The following VCP variants were observed in gnomAD, a reference collection of about 807,000 sequenced individuals.
The protein encoded by VCP is transitional endoplasmic reticulum ATPase.
In VCP, 6 loss-of-function variants were observed where a neutral mutation model predicts 85.7. That is an observed-to-expected ratio of 0.07 (90% confidence interval 0.04 to 0.14). VCP has a LOEUF of 0.14. VCP is among the 10% of genes least tolerant of loss of function. The pLI, the probability that VCP is intolerant of heterozygous loss-of-function variation, is 1.00. For synonymous variants in VCP, 384 were observed against 367.1 expected (o/e 1.05, Z -0.53); for missense variants, 353 against 1,043.4 (o/e 0.34, Z 9.12).
At chr9:35,061,838 C>T in intron 9 of VCP, 149 bp from the exon 10 acceptor site, 3 of 1,451,788 alleles carry the variant, frequency 2.1e-6, no homozygotes, top group Non-Finnish European at 2.9e-6. Flanking sequence ...CTTTCAGTCT[C>T]AGGAAAACCA....
At position 35,072,178 on chromosome 9, in the gene VCP, G is replaced by T. The variant is rs894947748; in HGVS notation, c.17+159C>A. Reference sequence around the variant, plus strand: ...TGCGCAGCTGGCCCCAGCCGGGCCTGCCGGGTCCACGGCCCCTCACTCGCC... The same window carrying T: ...TGCGCAGCTGGCCCCAGCCGGGCCTTCCGGGTCCACGGCCCCTCACTCGCC... On this transcript the variant is annotated intron_variant, in intron 1 of 16. Transcript: ENST00000358901. The T allele has an allele frequency of 3.5e-6, 5 of 1,418,154 alleles. No individual in the cohort carries two copies. The African/African-American group carries it at 7.6e-5, about 21-fold the overall frequency. The allele number at this position is 1,418,154 out of a possible 1,614,324, so 87.8% of individuals were successfully genotyped here. A position where few individuals can be genotyped will look rare whatever the true frequency, so the allele number is the denominator to read the frequency against.
chr9:35,057,557 G>A (rs775020335), intron 15 of VCP, 27 bp from the exon 16 acceptor site: 1 of 1,603,844 alleles, frequency 6.2e-7, no homozygotes, highest in Non-Finnish European at 8.5e-7. Context: ...CAGATCACTA[G>A]GGCTAGTTAA....
rs778927516 is a variant in VCP at position 35,059,628 on chromosome 9, G to A, written c.1869C>T (p.Thr623=). The part of the protein sequence containing the change: ...TKKNVFIIGA[T]NRPDIIDPAI... The stretch of plus-strand genomic sequence containing the variant: ...CAGGATCAATGATGTCAGGCCGGTT[G>A]GTAGCGCCAATGATGAACACATTTT... Residue 623 remains threonine, a synonymous_variant, in exon 14 of 17, where the codon ACC becomes ACT. Coordinates refer to ENST00000358901, the MANE Select transcript of VCP (RefSeq NM_007126.5). This position sits in a 1 kb window ranked among gnomAD's most constrained non-coding sequence, Gnocchi z 4.9. The A allele has an allele frequency of 6.2e-7, 1 of 1,614,152 alleles. No individual in the cohort carries two copies.
At position 35,065,251 on chromosome 9, in the gene VCP, C is replaced by T. The variant is rs746458413; in HGVS notation, c.576G>A (p.Glu192=). Residue 192 remains glutamate, a splice_region_variant and synonymous_variant, in exon 5 of 17, where the codon GAG becomes GAA. Transcript: ENST00000358901. The part of the protein sequence containing the change: ...IHCEGEPIKR[E]DEEESLNEVG... ...TACTGGAATCAGGGAGAAAACTCAC[C>T]TCTCGTTTGATAGGCTCCCCTTCGC... 1.2e-6 allele frequency: 2 copies of T among 1,614,154 alleles called. No individual in the cohort carries two copies.
At chr9:35,061,931 T>C in intron 9 of VCP, 72 bp downstream of exon 9, 1 of 1,612,094 alleles carries the variant, frequency 6.2e-7, no homozygotes, top group Non-Finnish European at 8.5e-7. Context: ...TTCAAGAGGA[T>C]TAGGTGACTT....
Position 35,071,715 on chromosome 9 carries a change from A to G in VCP, c.17+622T>C, listed in dbSNP as rs1828949259. 6.1e-6 allele frequency: 6 copies of G among 986,094 alleles called. No homozygotes were observed. The South Asian group carries it at 2.8e-4, about 46-fold the overall frequency. The allele number at this position is 986,094 out of a possible 1,614,324, so 61.1% of individuals were successfully genotyped here. On this transcript the variant is annotated intron_variant, in intron 1 of 16. Coordinates refer to ENST00000358901, the MANE Select transcript of VCP (RefSeq NM_007126.5). ...GAAAGGTAGGGCTCGCCCTCTCCCTAACAGTCCTTCACGACTCAGGTCACA... is the reference window on the plus strand; with the variant it reads ...GAAAGGTAGGGCTCGCCCTCTCCCTGACAGTCCTTCACGACTCAGGTCACA...
Position 35,056,880 on chromosome 9 carries a change from C to T in VCP, c.*237G>A. 2.0e-6 allele frequency: 1 copy of T among 508,882 alleles called. No homozygotes were observed. Among genetic ancestry groups the T allele is most frequent in the Non-Finnish European group, 3.6e-6 (1 of 276,642 alleles). The allele number at this position is 508,882 out of a possible 1,614,324, so 31.5% of individuals were successfully genotyped here. ...AATGGCATAGGCCCAAGGCCCAATT[C>T]CCTGTTGGTAATTCACTCTCCGCCT... On this transcript the variant is annotated 3_prime_UTR_variant, in exon 17 of 17. Transcript: ENST00000358901.
In VCP at chr9:35,067,945, C is replaced by T. The variant is rs1828865639; in HGVS notation, c.248G>A (p.Arg83Gln). The change falls in exon 3 of 17, where the codon CGG (arginine) becomes CAG (glutamine). Residue 83 changes from arginine (R) to glutamine (Q), a missense_variant. By Grantham distance (43) the Arg-to-Gln change is conservative. Coordinates refer to ENST00000358901, the MANE Select transcript of VCP (RefSeq NM_007126.5). ...GTTATTCCGAACAACTCTATTCATC[C>T]GAATCTTCTCATCAGAACAAGTATC... The part of the protein sequence containing the change: ...SDDTCSDEKI[R>Q]MNRVVRNNLR... 1 of 1,614,090 alleles carries T rather than the reference C, an allele frequency of 6.2e-7. No individual in the cohort carries two copies. The highest frequency in any genetic ancestry group is 8.5e-7 in the Non-Finnish European group (1 of 1,180,042).
intron 2 of VCP, 71 bp downstream of exon 2, chr9:35,068,180 G>A: frequency 1.2e-6 from 2 of 1,607,488 alleles, no homozygotes; most frequent in Non-Finnish European, 1.7e-6. Flanking sequence ...CAAGAAAAAT[G>A]AGAAAAGAAA....
At chr9:35,060,608 T>C (rs528814223) in intron 12 of VCP, 83 bp from the exon 13 acceptor site, 1 of 1,532,102 alleles carries the variant, frequency 6.5e-7, no homozygotes, top group East Asian at 2.3e-5. Context: ...CCCTCCATTA[T>C]TTCATGGTGT....
rs1828689452 is a variant in VCP, at chr9:35,059,985, A to C, written c.1696-184T>G. 1.3e-6 allele frequency: 1 copy of C among 778,722 alleles called. No individual in the cohort carries two copies. Among genetic ancestry groups the C allele is most frequent in the Non-Finnish European group, 2.0e-6 (1 of 493,318 alleles). The allele number at this position is 778,722 out of a possible 1,614,324, so 48.2% of individuals were successfully genotyped here. On this transcript the variant is annotated intron_variant, in intron 13 of 16. Coordinates refer to ENST00000358901, the MANE Select transcript of VCP (RefSeq NM_007126.5). The surrounding 1 kb of genome is among the most constrained non-coding windows in gnomAD (Gnocchi z 4.9). ...TTGTCTCTACAAAAAATAAAAAATT[A>C]GCCAGATGTGGTGACGCATGCCTAT...
rs1431850909 is a variant in VCP, at chr9:35,059,238, G to A, written c.2005-19C>T. 14 of 1,613,938 alleles carry A rather than the reference G, an allele frequency of 8.7e-6. No individual in the cohort carries two copies. The highest frequency in any genetic ancestry group is 2.7e-5 in the African/African-American group (2 of 74,894). ...CCACATCCTAAAAGCAGCAGCAGAG[G>A]TACCTTAGCATTTAGCCTCTCCTCT... On this transcript the variant is annotated intron_variant, in intron 14 of 16. Transcript: ENST00000358901. This position sits in a 1 kb window ranked among gnomAD's most constrained non-coding sequence, Gnocchi z 4.9.
At chr9:35,065,167 C>T (rs759473080) in intron 5 of VCP, 84 bp downstream of exon 5, 732 of 1,603,904 alleles carry the variant, frequency 4.6e-4, no homozygotes, top group Non-Finnish European at 5.5e-4. Flanking sequence ...CGCAGCCGGC[C>T]GAGCACCCAG....
chr9:35,064,892 G>C (rs1016588770), intron 5 of VCP, among the ~76,000 whole-genome samples: 6 of 152,100 alleles, frequency 3.9e-5, no homozygotes, highest in African/African-American at 1.4e-4. Context: ...TTTTGAGACA[G>C]AGTCTCACTC....
intron 1 of VCP, among the ~76,000 whole-genome samples, chr9:35,070,954 C>G (rs1828929041): frequency 6.6e-6 from 1 of 152,150 alleles, no homozygotes; most frequent in Non-Finnish European, 1.5e-5. Context: ...TTGGGGCAAT[C>G]CTCCATTGTC....
chr9:35,057,853 C>A, intron 15 of VCP: 1 of 424,160 alleles, frequency 2.4e-6, no homozygotes, highest in Admixed American at 3.6e-5. Context: ...ATAGAACTTA[C>A]ACACACTTGT....
chr9:35,071,582 A>G (rs964693137), intron 1 of VCP, among the ~76,000 whole-genome samples: 9 of 152,216 alleles, frequency 5.9e-5, no homozygotes, highest in Non-Finnish European at 1.3e-4. Context: ...AGAACCTAAA[A>G]TGTTAAAGAA....
At chr9:35,069,271 G>T (rs947146548) in intron 1 of VCP, among the ~76,000 whole-genome samples, 1 of 152,108 alleles carries the variant, frequency 6.6e-6, no homozygotes, top group Non-Finnish European at 1.5e-5. Context: ...TCAAAACCAA[G>T]AAATGCTGAG....
chr9:35,061,557 A>G lies in VCP; in HGVS notation c.1194+20T>C, dbSNP rs745489582. ...CCTAGAGACACTGTAACGCCTGGTC[A>G]GCCATCATCATCACTTCACCTGTTC... On this transcript the variant is annotated intron_variant, in intron 10 of 16. Transcript: ENST00000358901. 2 of 1,607,784 alleles carry G rather than the reference A, an allele frequency of 1.2e-6. No homozygotes were observed. Among genetic ancestry groups the G allele is most frequent in the African/African-American group, 2.7e-5 (2 of 74,774 alleles).
Sources: gnomAD v4.1 joint callset for allele counts (sites outside exome capture counted in the v4.1 genomes callset) on GRCh38, gnomAD v4.1.1 for gene constraint, Gnocchi (gnomAD v3.1) non-coding constraint, MANE v1.5 for transcripts, NCBI Gene and HGNC (gene_info 2026-07-23, HGNC 2026-07-21) for gene names.